BMP2K: variants seen among roughly 807,000 people sequenced by gnomAD.
BMP2K encodes BMP-2-inducible protein kinase.
In BMP2K, 74 loss-of-function variants were observed where a neutral mutation model predicts 116.0. The observed-to-expected ratio is 0.64, with a 90% CI of 0.53 to 0.77. BMP2K has a LOEUF of 0.77. BMP2K is among the 30% of genes least tolerant of loss of function. The probability of loss-of-function intolerance (pLI) is 0.00; values close to 1 mark genes in which losing one functional copy is unlikely to be tolerated. For synonymous variants in BMP2K, 486 were observed against 502.5 expected, an observed-to-expected ratio of 0.97 and a Z score of 0.44; for missense variants, 1,365 against 1,403.6, an observed-to-expected ratio of 0.97 and a Z score of 0.44.
intron 3 of BMP2K, 140 bp from the exon 4 acceptor site, chr4:78,842,245 G>T: frequency 1.7e-6 from 1 of 596,036 alleles, no homozygotes; most frequent in East Asian, 2.8e-5. Flanking sequence ...AATACAGTAT[G>T]ATGTAATAAG....
At chr4:78,776,814 T>A in intron 1 of BMP2K, 93 bp downstream of exon 1, 1 of 1,097,864 alleles carries the variant, frequency 9.1e-7, no homozygotes, top group Non-Finnish European at 1.1e-6. Flanking sequence ...GGACTGACTC[T>A]TATACCCCAT....
chr4:78,905,396 A>G (rs928450534), intron 15 of BMP2K, among the ~76,000 whole-genome samples: 1 of 151,958 alleles, frequency 6.6e-6, no homozygotes. Flanking sequence ...TTAGTTAAAG[A>G]AAAAGAAGAA....
chr4:78,823,556 ATAGT>A (rs1478422980), intron 1 of BMP2K, among the ~76,000 whole-genome samples: 2 of 147,546 alleles, frequency 1.4e-5, no homozygotes, highest in African/African-American at 2.5e-5. Flanking sequence ...ATAGTTATAT[ATAGT>A]TATATAGTTA....
chr4:78,911,844 G>A lies in BMP2K; in HGVS notation c.3297G>A (p.Leu1099=). 6.2e-7 allele frequency: 1 copy of A among 1,613,978 alleles called. No individual in the cohort carries two copies. The highest frequency in any genetic ancestry group is 2.2e-5 in the East Asian group (1 of 44,876). Residue 1099 remains leucine (L), a synonymous_variant, in exon 16 of 16, where the codon CTG becomes CTA. Coordinates refer to ENST00000502613, the MANE Select transcript of BMP2K (RefSeq NM_198892.2). ...TCCGTGCTGATCACAATACTGTCCT[G>A]CCAGGGCGGCCAAGACAAAATTCAC... is the stretch of plus-strand genomic sequence containing the variant. ...SDIRADHNTV[L]PGRPRQNSLH... is the part of the protein sequence containing the mutation.
chr4:78,908,279 G>A (rs947667810), intron 15 of BMP2K, among the ~76,000 whole-genome samples: 30 of 152,170 alleles, frequency 2.0e-4, no homozygotes, highest in African/African-American at 7.2e-4. Context: ...TATACAAGAT[G>A]ACCAGATCCA....
At chr4:78,802,457 T>C (rs998256940) in intron 1 of BMP2K, among the ~76,000 whole-genome samples, 2 of 152,242 alleles carry the variant, frequency 1.3e-5, no homozygotes, top group South Asian at 4.1e-4. Context: ...AATTTTAACA[T>C]AGTCAAACTT....
intron 1 of BMP2K, among the ~76,000 whole-genome samples, chr4:78,781,814 C>T (rs1318697595): frequency 2.0e-5 from 3 of 152,146 alleles, no homozygotes; most frequent in Admixed American, 6.5e-5. Context: ...CAGATGCTGC[C>T]GGTTCAGGAA....
At chr4:78,780,077 C>G (rs751530950) in intron 1 of BMP2K, among the ~76,000 whole-genome samples, 1 of 152,090 alleles carries the variant, frequency 6.6e-6, no homozygotes, top group Non-Finnish European at 1.5e-5. Context: ...TTACTAAAAC[C>G]TGGGGTTGGC....
chr4:78,910,809 T>C lies in BMP2K; in HGVS notation c.2262T>C (p.Ser754=). Reference sequence around the variant, plus strand: ...CAGATCCCCCTTCTCCTAAGAGCAGTGAAGAGGAAGAGCAAGATGATGAAG... The same window carrying C: ...CAGATCCCCCTTCTCCTAAGAGCAGCGAAGAGGAAGAGCAAGATGATGAAG... ...FESDPPSPKS[S]EEEEQDDEEV... Residue 754 remains serine, a synonymous_variant, in exon 16 of 16, where the codon AGT becomes AGC. Coordinates refer to ENST00000502613, the MANE Select transcript of BMP2K (RefSeq NM_198892.2). 1 of 1,613,818 alleles carries C rather than the reference T, an allele frequency of 6.2e-7. No individual in the cohort carries two copies. Among genetic ancestry groups the C allele is most frequent in the South Asian group, 1.1e-5 (1 of 91,042 alleles).
chr4:78,786,346 G>T (rs1356951432), intron 1 of BMP2K, among the ~76,000 whole-genome samples: 1 of 151,448 alleles, frequency 6.6e-6, no homozygotes, highest in African/African-American at 2.4e-5. Context: ...CCAGCACCTT[G>T]CTCTTGGACT....
In BMP2K at chr4:78,870,063, A is replaced by G. The variant is rs533997980; in HGVS notation, c.1232-720A>G. On this transcript the variant is annotated intron_variant, in intron 10 of 15. Coordinates refer to ENST00000502613, the MANE Select transcript of BMP2K (RefSeq NM_198892.2). ...AATATAGAAATTATGGTATATTAGT[A>G]TATTGCATTAAGTGTATATCTTACT... Among the ~76,000 whole-genome samples the G allele has an allele frequency of 4.6e-4, 70 of 152,308 alleles. No individual in the cohort carries two copies. In the South Asian group the frequency reaches 0.013, roughly 28 times the overall value.
chr4:78,817,868 T>C (rs1729428574), intron 1 of BMP2K, among the ~76,000 whole-genome samples: 1 of 152,194 alleles, frequency 6.6e-6, no homozygotes, highest in African/African-American at 2.4e-5. Context: ...AATAAAGAAA[T>C]GTCTACTAAG....
At chr4:78,841,186 A>G (rs72659102) in intron 3 of BMP2K, among the ~76,000 whole-genome samples, 1 of 152,212 alleles carries the variant, frequency 6.6e-6, no homozygotes, top group Non-Finnish European at 1.5e-5. Flanking sequence ...TTAGACAGTA[A>G]TAATAAAAGG....
At chr4:78,865,527 T>G (rs779969505) in intron 9 of BMP2K, 30 bp from the exon 10 acceptor site, 1 of 1,598,532 alleles carries the variant, frequency 6.3e-7, no homozygotes, top group African/African-American at 1.3e-5. Context: ...AATCCCAGTA[T>G]TTAGAATGAA....
chr4:78,878,861 T>C lies in BMP2K; in HGVS notation c.1921T>C (p.Leu641=). 6.2e-7 allele frequency: 1 copy of C among 1,613,332 alleles called. No individual in the cohort carries two copies. Among genetic ancestry groups the C allele is most frequent in the Non-Finnish European group, 8.5e-7 (1 of 1,179,734 alleles). ...NFSKLTEEEL[L]DREFDLLRSN... ...CTCTAAGTTAACAGAAGAGGAACTA[T>C]TGGACAGAGAATTTGACCTTCTAAG... The change falls in exon 14 of 16, where the codon TTG becomes CTG. Residue 641 remains leucine (L), a synonymous_variant. Transcript: ENST00000502613.
At chr4:78,838,504 TC>T in intron 3 of BMP2K, among the ~76,000 whole-genome samples, 1 of 152,348 alleles carries the variant, frequency 6.6e-6, no homozygotes, top group South Asian at 2.1e-4. Flanking sequence ...ATGCATGATA[TC>T]TTTTCTCAGA....
At chr4:78,795,166 T>A (rs1468924914) in intron 1 of BMP2K, among the ~76,000 whole-genome samples, 1 of 152,248 alleles carries the variant, frequency 6.6e-6, no homozygotes, top group Non-Finnish European at 1.5e-5. Context: ...CTCACATTTA[T>A]CGCAGTGTGC....
At chr4:78,864,242 A>G (rs746155514) in intron 9 of BMP2K, among the ~76,000 whole-genome samples, 2 of 152,100 alleles carry the variant, frequency 1.3e-5, no homozygotes, top group Non-Finnish European at 2.9e-5. Context: ...TACAGAATGG[A>G]TAGTTAAAGA....
intron 15 of BMP2K, among the ~76,000 whole-genome samples, chr4:78,907,773 T>A (rs1734360881): frequency 6.6e-6 from 1 of 152,100 alleles, no homozygotes; most frequent in South Asian, 2.1e-4. Flanking sequence ...TTTGTCTTGG[T>A]TCTTGTTAGG....
Sources: allele counts gnomAD v4.1 joint callset (sites outside exome capture counted in the v4.1 genomes callset), GRCh38; gene constraint gnomAD v4.1.1; transcripts MANE v1.5; gene names NCBI Gene and HGNC (gene_info 2026-07-23, HGNC 2026-07-21).